The following DIMT1 variants were observed in gnomAD, a reference collection of about 807,000 sequenced individuals.
DIMT1 encodes the protein DIM1 rRNA methyltransferase and ribosome maturation factor.
A neutral mutation model predicts 43.2 loss-of-function variants in DIMT1; 36 were observed. The ratio of observed to expected loss-of-function variants is 0.83; its 90% CI spans 0.64 to 1.10. The LOEUF (loss-of-function observed/expected upper bound fraction) is 1.10, where lower values mean the gene tolerates loss of function less well. Among genes scored for constraint, DIMT1 ranks in the 50% least tolerant of loss-of-function variants. The pLI is 0.00. For synonymous variants in DIMT1, 126 were observed against 130.3 expected (o/e 0.97, Z 0.22); for missense variants, 341 against 385.3 (o/e 0.88, Z 0.96).
At chr5:62,399,813 G>A (rs566158499) in intron 3 of DIMT1, among the ~76,000 whole-genome samples, 5 of 152,220 alleles carry the variant, frequency 3.3e-5, no homozygotes, top group African/African-American at 1.2e-4. Flanking sequence ...GGCTGAAGCA[G>A]GAGAATTGTT....
At chr5:62,389,986 AG>A (rs1414981959) in intron 11 of DIMT1, among the ~76,000 whole-genome samples, 1 of 152,252 alleles carries the variant, frequency 6.6e-6, no homozygotes, top group Non-Finnish European at 1.5e-5. Context: ...TTCAATGCCT[AG>A]GATTAACATC....
rs147295296 is a variant in DIMT1, at chr5:62,395,939, G to A, written c.447-1332C>T. Among the ~76,000 whole-genome samples, 366 of 152,200 alleles carry A rather than the reference G, an allele frequency of 2.4e-3. 1 individual carries two copies. The highest frequency in any genetic ancestry group is 3.9e-3 in the Non-Finnish European group (267 of 68,006). ...GAGAATCATCTGAGCCCAGCCCAGGGAGGCTGAGGTTGCAGTGACCTGAGA... is the reference window on the plus strand; with the variant it reads ...GAGAATCATCTGAGCCCAGCCCAGGAAGGCTGAGGTTGCAGTGACCTGAGA... On this transcript the variant is annotated intron_variant, in intron 6 of 11. Coordinates refer to ENST00000199320, the MANE Select transcript of DIMT1 (RefSeq NM_014473.4).
chr5:62,391,843 T>C (rs1008849732), intron 10 of DIMT1: 1 of 1,461,742 alleles, frequency 6.8e-7, no homozygotes, highest in Admixed American at 2.5e-5. Context: ...AACTACACAA[T>C]TATTTTAAGT....
chr5:62,403,724 C>G lies in DIMT1; in HGVS notation c.49G>C (p.Glu17Gln). The stretch of plus-strand genomic sequence containing the variant: ...GCGCTCTTCAGCTCCCGGCGCTGCT[C>G]CTGCCGCCCGCGGCGGCGGCCGATG... Reference protein sequence around the residue: ...GAIGRRRGRQEQRRELKSAGG... With the variant: ...GAIGRRRGRQQQRRELKSAGG... Residue 17 changes from glutamate (E) to glutamine (Q), a missense_variant, in exon 1 of 12, where the codon GAG becomes CAG. Transcript: ENST00000199320. 3 of 1,610,060 alleles carry G rather than the reference C, an allele frequency of 1.9e-6. No homozygotes were observed. The highest frequency in any genetic ancestry group is 2.5e-6 in the Non-Finnish European group (3 of 1,178,828).
Position 62,387,749 on chromosome 5 carries a change from A to G in DIMT1, c.*1261T>C, listed in dbSNP as rs929912148. 2.3e-5 allele frequency: 3 copies of G among 129,538 alleles called. No homozygotes were observed. Among genetic ancestry groups the G allele is most frequent in the Non-Finnish European group, 4.8e-5 (3 of 62,054 alleles). 8.0% of individuals were successfully genotyped at this position (129,538 alleles called of 1,614,324 possible). A position where few individuals can be genotyped will look rare whatever the true frequency, so the allele number is the denominator to read the frequency against. On this transcript the variant is annotated 3_prime_UTR_variant, in exon 12 of 12. Transcript: ENST00000199320. ...TAGTTTTGTGAAATTAAACAAAAAA[A>G]TCTACTCTTAATGTATATTATTTCA...
chr5:62,402,237 C>A (rs997574013), intron 2 of DIMT1, 115 bp from the exon 3 acceptor site: 1 of 994,262 alleles, frequency 1.0e-6, no homozygotes, highest in African/African-American at 1.6e-5. Context: ...AATCTGACTC[C>A]ATTTTTAGAT....
At chr5:62,394,397 G>A in intron 7 of DIMT1, 87 bp downstream of exon 7, 2 of 1,390,352 alleles carry the variant, frequency 1.4e-6, no homozygotes, top group South Asian at 1.2e-5. Flanking sequence ...GGGAGGCAGA[G>A]ATCGCAGTGA....
chr5:62,392,312 A>G (rs1386744714), intron 9 of DIMT1, 78 bp from the exon 10 acceptor site: 2 of 1,129,594 alleles, frequency 1.8e-6, no homozygotes, highest in Non-Finnish European at 2.6e-6. Context: ...CTTTTTTTTA[A>G]CTAATACATA....
At position 62,388,788 on chromosome 5, in the gene DIMT1, T is replaced by C. The variant is rs1742156346; in HGVS notation, c.*222A>G. ...CTGCGGCTCCTGAACTTGAAGATTA[T>C]TATGAATAGATTGGACCAGCATTAT... is the stretch of plus-strand genomic sequence containing the variant. On this transcript the variant is annotated 3_prime_UTR_variant, in exon 12 of 12. Transcript: ENST00000199320. The C allele has an allele frequency of 3.6e-6, 2 of 559,674 alleles. No individual in the cohort carries two copies. Among genetic ancestry groups the C allele is most frequent in the Non-Finnish European group, 3.2e-6 (1 of 311,658 alleles). The allele number at this position is 559,674 out of a possible 1,614,324, so 34.7% of individuals were successfully genotyped here.
intron 6 of DIMT1, among the ~76,000 whole-genome samples, chr5:62,398,004 T>C (rs1414186211): frequency 6.6e-6 from 1 of 152,170 alleles, no homozygotes; most frequent in Non-Finnish European, 1.5e-5. Flanking sequence ...AATTGGATGT[T>C]TGTTCTTACT....
rs1474089848 is a variant in DIMT1 at position 62,398,735 on chromosome 5, C to A, written c.307G>T (p.Val103Leu). ...ACCAGTACTTGAAGTTTGCTGGCCA[C>A]AGGCCTGATGAGAAAAGAAGAAATG... Reference protein sequence around the residue: ...ELHKRVQGTPVASKLQVLVGD... With the variant: ...ELHKRVQGTPLASKLQVLVGD... Residue 103 changes from valine (V) to leucine (L), a missense_variant, in exon 5 of 12, where the codon GTG (valine) becomes TTG (leucine). By Grantham distance (32) the Val-to-Leu change is conservative. Transcript: ENST00000199320. 2 of 1,614,186 alleles carry A rather than the reference C, an allele frequency of 1.2e-6. No homozygotes were observed. Among genetic ancestry groups the A allele is most frequent in the Non-Finnish European group, 1.7e-6 (2 of 1,180,024 alleles).
intron 6 of DIMT1, 99 bp downstream of exon 6, chr5:62,398,412 G>A: frequency 1.7e-6 from 2 of 1,161,244 alleles, no homozygotes; most frequent in South Asian, 1.3e-5. Context: ...AAATTCTTCA[G>A]TAGTTTTTCA....
intron 3 of DIMT1, among the ~76,000 whole-genome samples, chr5:62,399,780 C>T (rs193682): frequency 0.22 from 33,142 of 151,200 alleles, 3,818 homozygotes; most frequent in Middle Eastern, 0.29. Context: ...GCGGCACGTG[C>T]CTGTAATCCC....
Position 62,394,522 on chromosome 5 carries a change from TA to T in DIMT1, c.531del (p.Asn178IlefsTer11). The stretch of plus-strand genomic sequence containing the variant: ...TCCACACGTGCCAACAGCTGTGTAT[TA>T]ATTGAGAGTCTGCAGTATAACTTAT... ...PGDKLYCRLS[I>X]NTQLLARVDH... is the part of the protein sequence containing the mutation. On this transcript the variant is annotated frameshift_variant, in exon 7 of 12. Coordinates refer to ENST00000199320, the MANE Select transcript of DIMT1 (RefSeq NM_014473.4). LOFTEE classifies it high-confidence loss of function. 1.9e-6 allele frequency: 3 copies of T among 1,614,212 alleles called. No homozygotes were observed. Among genetic ancestry groups the T allele is most frequent in the Non-Finnish European group, 2.5e-6 (3 of 1,180,030 alleles).
At chr5:62,394,876 C>T (rs247256) in intron 6 of DIMT1, among the ~76,000 whole-genome samples, 33,841 of 152,042 alleles carry the variant, frequency 0.22, 3,904 homozygotes, top group Middle Eastern at 0.29. Context: ...TAGTCCATCA[C>T]CTCTTCTATG....
intron 8 of DIMT1, among the ~76,000 whole-genome samples, chr5:62,393,292 G>T (rs1183200966): frequency 6.6e-6 from 1 of 151,692 alleles, no homozygotes; most frequent in East Asian, 1.9e-4. Context: ...CATGCCTGTA[G>T]TACCAGCTAC....
chr5:62,398,543 G>C lies in DIMT1; in HGVS notation c.414C>G (p.Val138=). 1.9e-6 allele frequency: 3 copies of C among 1,612,876 alleles called. No homozygotes were observed. In the South Asian group the frequency reaches 3.3e-5, roughly 18 times the overall value. The change falls in exon 6 of 12, where the codon GTC becomes GTG. Residue 138 remains valine (V), a synonymous_variant. Transcript: ENST00000199320. ...AAGGTCGATGTAGCAACAGCTTGAA[G>C]ACAAAAGGTGAAGAGATCTGTAAGA... ...NLPYQISSPF[V]FKLLLHRPFF... is the part of the protein sequence containing the mutation.
At chr5:62,394,785 T>A (rs1322822528) in intron 6 of DIMT1, among the ~76,000 whole-genome samples, 178 bp from the exon 7 acceptor site, 9 of 152,232 alleles carry the variant, frequency 5.9e-5, no homozygotes, top group African/African-American at 2.2e-4. Flanking sequence ...GCTTTGTTTT[T>A]ATAATTGCTG....
chr5:62,403,745 C>A lies in DIMT1; in HGVS notation c.28G>T (p.Gly10Cys). The A allele has an allele frequency of 6.2e-7, 1 of 1,610,212 alleles. No homozygotes were observed. Among genetic ancestry groups the A allele is most frequent in the Non-Finnish European group, 8.5e-7 (1 of 1,178,822 alleles). Residue 10 changes from glycine to cysteine, a missense_variant, in exon 1 of 12, where the codon GGC becomes TGC. Coordinates refer to ENST00000199320, the MANE Select transcript of DIMT1 (RefSeq NM_014473.4). ...TGCTCCTGCCGCCCGCGGCGGCGGC[C>A]GATGGCCCCCGACTTGACCTTCGGC... MPKVKSGAIGRRRGRQEQRR... is the reference protein window; with the variant it reads MPKVKSGAICRRRGRQEQRR...
Sources: allele counts gnomAD v4.1 joint callset (sites outside exome capture counted in the v4.1 genomes callset), GRCh38; gene constraint gnomAD v4.1.1; transcripts MANE v1.5; gene names NCBI Gene and HGNC (gene_info 2026-07-23, HGNC 2026-07-21).